Variants in NRG1 observed in about 807,000 individuals in gnomAD.
NRG1 encodes neuregulin 1, also known as pro-neuregulin-1, membrane-bound isoform.
A neutral mutation model predicts 63.8 loss-of-function variants in NRG1; 18 were observed. That is an observed-to-expected ratio of 0.28 (90% CI 0.19 to 0.42). The LOEUF (loss-of-function observed/expected upper bound fraction) is 0.42, where lower values mean the gene tolerates loss of function less well. Among genes scored for constraint, NRG1 ranks in the 10% least tolerant of loss-of-function variants. NRG1 has a pLI of 1.00. For synonymous variants in NRG1, 302 were observed against 301.3 expected (o/e 1.00, Z -0.02); for missense variants, 762 against 814.7 (o/e 0.94, Z 0.79).
intron 1 of NRG1, among the ~76,000 whole-genome samples, chr8:32,537,815 G>T (rs1832166985): frequency 6.6e-6 from 1 of 152,042 alleles, no homozygotes; most frequent in African/African-American, 2.4e-5. Context: ...GCTTTTTCAA[G>T]GACAGGCTTC....
rs371959774 is a variant in NRG1, at chr8:32,280,969, C to A, written c.38-314859C>A. Among the ~76,000 whole-genome samples, 258 of 150,860 alleles carry A rather than the reference C, an allele frequency of 1.7e-3. 1 individual carries two copies. The highest frequency in any genetic ancestry group is 2.7e-3 in the Non-Finnish European group (182 of 67,748). ...AGAGACGGGGTTTCACCGTGTTAGC[C>A]AGGTTGGTCTCGATCTCCTGACCTC... On this transcript the variant is annotated intron_variant, in intron 1 of 10. Transcript: ENST00000519301.
At chr8:32,239,081 C>T (rs1847850945) in intron 1 of NRG1, among the ~76,000 whole-genome samples, 1 of 152,044 alleles carries the variant, frequency 6.6e-6, no homozygotes, top group South Asian at 2.1e-4. Flanking sequence ...CTCTCTATTC[C>T]TTGGTTTCTT....
At chr8:31,796,123 C>T (rs1821179520) in intron 1 of NRG1, among the ~76,000 whole-genome samples, 1 of 152,106 alleles carries the variant, frequency 6.6e-6, no homozygotes, top group South Asian at 2.1e-4. Flanking sequence ...GGAGCATACA[C>T]CTAGCCTTAA....
At chr8:32,287,752 T>C (rs780141833) in intron 1 of NRG1, among the ~76,000 whole-genome samples, 25 of 152,340 alleles carry the variant, frequency 1.6e-4, no homozygotes, top group Non-Finnish European at 2.6e-4. Context: ...CAATCCACCG[T>C]ACTACCACCA....
chr8:32,310,071 C>T (rs937022513), intron 1 of NRG1, among the ~76,000 whole-genome samples: 7 of 152,128 alleles, frequency 4.6e-5, no homozygotes, highest in Non-Finnish European at 7.3e-5. Flanking sequence ...GGCCAGTGCC[C>T]GCTCTCTGCA....
chr8:31,667,227 G>T (rs1806642124), intron 1 of NRG1, among the ~76,000 whole-genome samples: 2 of 152,186 alleles, frequency 1.3e-5, no homozygotes, highest in Admixed American at 1.3e-4. Flanking sequence ...CACAAGATTA[G>T]GCATTAGGAG....
chr8:32,394,407 C>G (rs749313787), intron 1 of NRG1, among the ~76,000 whole-genome samples: 16 of 152,206 alleles, frequency 1.1e-4, no homozygotes, highest in Non-Finnish European at 1.8e-4. Context: ...GTTTTATCTA[C>G]GTCTTCTCTG....
intron 1 of NRG1, among the ~76,000 whole-genome samples, chr8:31,965,189 A>G (rs963114974): frequency 2.0e-5 from 3 of 151,728 alleles, no homozygotes; most frequent in Non-Finnish European, 4.4e-5. Flanking sequence ...GGTGATGGAC[A>G]CTGAGGTTGG....
At chr8:32,448,205 G>A (rs1015066970) in intron 1 of NRG1, among the ~76,000 whole-genome samples, 28 of 152,172 alleles carry the variant, frequency 1.8e-4, no homozygotes, top group East Asian at 1.7e-3. Flanking sequence ...AAGTAAATGT[G>A]TTTATTTTTA....
At chr8:31,844,174 C>T (rs1197045548) in intron 1 of NRG1, among the ~76,000 whole-genome samples, 2 of 152,202 alleles carry the variant, frequency 1.3e-5, no homozygotes, top group African/African-American at 2.4e-5. Flanking sequence ...GCGCACTTCT[C>T]TGCTGTCTGC....
intron 1 of NRG1, among the ~76,000 whole-genome samples, chr8:32,009,821 C>G (rs569948116): frequency 6.6e-6 from 1 of 152,060 alleles, no homozygotes; most frequent in South Asian, 2.1e-4. Context: ...TGTCAGAGGC[C>G]TGATTGACTT....
chr8:31,821,395 A>G (rs1487402796), intron 1 of NRG1, among the ~76,000 whole-genome samples: 5 of 152,222 alleles, frequency 3.3e-5, no homozygotes, highest in Non-Finnish European at 1.5e-5. Context: ...CTGGAATAAG[A>G]GCCAGATTTC....
intron 1 of NRG1, among the ~76,000 whole-genome samples, chr8:31,666,972 C>G (rs771663416): frequency 3.9e-5 from 6 of 152,156 alleles, no homozygotes; most frequent in Admixed American, 6.5e-5. Context: ...TTTTGTGAGG[C>G]AGGAACTATT....
chr8:31,842,910 T>C (rs1826325969), intron 1 of NRG1, among the ~76,000 whole-genome samples: 1 of 152,168 alleles, frequency 6.6e-6, no homozygotes, highest in Admixed American at 6.5e-5. Context: ...TAATTGACAG[T>C]CCCACCAAAC....
intron 1 of NRG1, among the ~76,000 whole-genome samples, chr8:32,160,221 C>A (rs977718311): frequency 5.9e-5 from 9 of 152,034 alleles, no homozygotes; most frequent in Non-Finnish European, 1.2e-4. Context: ...AAGGCAGACA[C>A]GTTCAAATAT....
chr8:32,014,967 C>T (rs1398030388), intron 1 of NRG1, among the ~76,000 whole-genome samples: 2 of 152,080 alleles, frequency 1.3e-5, no homozygotes, highest in Admixed American at 1.3e-4. Flanking sequence ...AGCAAATCAA[C>T]AGAAGCCAGG....
At chr8:32,607,109 A>G (rs1845412557) in intron 3 of NRG1, among the ~76,000 whole-genome samples, 1 of 152,140 alleles carries the variant, frequency 6.6e-6, no homozygotes, top group African/African-American at 2.4e-5. Context: ...AGTCCTGTTT[A>G]TTACAGTTTA....
intron 1 of NRG1, among the ~76,000 whole-genome samples, chr8:32,521,327 T>G (rs74869170): frequency 0.012 from 1,841 of 152,292 alleles, 39 homozygotes; most frequent in African/African-American, 0.041. Context: ...CACATAGGTG[T>G]ATTATATTCT....
chr8:32,138,969 A>C (rs766739924), intron 1 of NRG1, among the ~76,000 whole-genome samples: 1 of 152,178 alleles, frequency 6.6e-6, no homozygotes, highest in East Asian at 1.9e-4. Flanking sequence ...AAGAGAAATC[A>C]ATCAGTCAAT....
Sources: allele counts gnomAD v4.1 joint callset (sites outside exome capture counted in the v4.1 genomes callset), GRCh38; gene constraint gnomAD v4.1.1; transcripts MANE v1.5; gene names NCBI Gene and HGNC (gene_info 2026-07-23, HGNC 2026-07-21).